The following ADCY9 variants were observed in gnomAD, a reference collection of about 807,000 sequenced individuals.
The protein encoded by ADCY9 is adenylate cyclase type 9.
Under a neutral mutation model 101.5 loss-of-function variants are expected in ADCY9, and 50 were observed. The observed-to-expected ratio is 0.49, with a 90% CI of 0.39 to 0.62. The LOEUF (loss-of-function observed/expected upper bound fraction) is 0.62, where lower values mean the gene tolerates loss of function less well. ADCY9 is among the 20% of genes least tolerant of loss of function. The pLI, the probability that ADCY9 is intolerant of heterozygous loss-of-function variation, is 0.00. For synonymous variants in ADCY9, 905 were observed against 769.3 expected (o/e 1.18, Z -2.92); for missense variants, 1,662 against 1,800.4 (o/e 0.92, Z 1.39).
intron 2 of ADCY9, among the ~76,000 whole-genome samples, chr16:4,009,868 G>A (rs1036794834): frequency 2.0e-5 from 3 of 152,156 alleles, no homozygotes; most frequent in Non-Finnish European, 2.9e-5. Flanking sequence ...AGAAGTACAC[G>A]CAAGGAGGCC....
At chr16:4,082,445 A>G (rs2056909421) in intron 2 of ADCY9, among the ~76,000 whole-genome samples, 1 of 152,150 alleles carries the variant, frequency 6.6e-6, no homozygotes, top group Non-Finnish European at 1.5e-5. Context: ...TTGCATCCCT[A>G]AGAATCATTT....
intron 2 of ADCY9, among the ~76,000 whole-genome samples, chr16:4,108,748 C>T (rs182882472): frequency 2.5e-4 from 37 of 150,680 alleles, no homozygotes; most frequent in African/African-American, 7.3e-4. Flanking sequence ...TCTTGTCGCC[C>T]AGGCTGGAGT....
chr16:4,105,521 A>AC (rs1340732312), intron 2 of ADCY9, among the ~76,000 whole-genome samples: 1 of 150,862 alleles, frequency 6.6e-6, no homozygotes, highest in Non-Finnish European at 1.5e-5. Context: ...AAAATACAAA[A>AC]AAAAAAAAAT....
At chr16:4,020,407 G>A (rs1428930287) in intron 2 of ADCY9, among the ~76,000 whole-genome samples, 1 of 152,134 alleles carries the variant, frequency 6.6e-6, no homozygotes, top group African/African-American at 2.4e-5. Context: ...AAATGGGTGG[G>A]ATAAAAGTAA....
intron 5 of ADCY9, among the ~76,000 whole-genome samples, chr16:3,954,929 T>A (rs565992696): frequency 6.6e-6 from 1 of 152,230 alleles, no homozygotes; most frequent in East Asian, 1.9e-4. Context: ...AAACTTAGCG[T>A]ACTAGAACAT....
intron 5 of ADCY9, among the ~76,000 whole-genome samples, chr16:3,957,402 C>T (rs1251501135): frequency 6.6e-6 from 1 of 151,898 alleles, no homozygotes; most frequent in South Asian, 2.1e-4. Context: ...AATTTACTGG[C>T]GGAAAAGTCA....
intron 2 of ADCY9, among the ~76,000 whole-genome samples, chr16:4,089,849 A>C (rs1008123295): frequency 2.0e-5 from 3 of 152,036 alleles, no homozygotes. Flanking sequence ...GCCACAGGGG[A>C]CCAGGGCACT....
At chr16:4,039,300 G>A (rs924806506) in intron 2 of ADCY9, among the ~76,000 whole-genome samples, 23 of 152,144 alleles carry the variant, frequency 1.5e-4, no homozygotes, top group Non-Finnish European at 2.8e-4. Context: ...CCCTCATGCC[G>A]TTTCCTTGCC....
chr16:4,110,989 C>T (rs928454140), intron 2 of ADCY9, among the ~76,000 whole-genome samples: 1 of 152,218 alleles, frequency 6.6e-6, no homozygotes, highest in Non-Finnish European at 1.5e-5. Context: ...TCCACGATCA[C>T]GGATCCTGCT....
chr16:4,036,902 C>T (rs1427244000), intron 2 of ADCY9, among the ~76,000 whole-genome samples: 2 of 152,138 alleles, frequency 1.3e-5, no homozygotes, highest in Non-Finnish European at 2.9e-5. Context: ...TCCTCCCCGC[C>T]ACTCACCCTT....
chr16:4,055,605 G>C (rs112890143), intron 2 of ADCY9, among the ~76,000 whole-genome samples: 4 of 151,970 alleles, frequency 2.6e-5, no homozygotes, highest in Non-Finnish European at 5.9e-5. Flanking sequence ...AGGCCGGGGT[G>C]GGGGGATCAC....
chr16:4,016,151 C>T (rs967454257), intron 2 of ADCY9, among the ~76,000 whole-genome samples: 2 of 152,062 alleles, frequency 1.3e-5, no homozygotes, highest in African/African-American at 4.8e-5. Flanking sequence ...CGATCTGGAC[C>T]CACAAGAAGA....
chr16:4,025,861 G>A (rs1025001706), intron 2 of ADCY9, among the ~76,000 whole-genome samples: 1 of 152,200 alleles, frequency 6.6e-6, no homozygotes, highest in African/African-American at 2.4e-5. Context: ...GTGTGGCTAC[G>A]ATTGAGAGGA....
At chr16:4,074,486 G>T (rs935777524) in intron 2 of ADCY9, among the ~76,000 whole-genome samples, 4 of 151,430 alleles carry the variant, frequency 2.6e-5, no homozygotes, top group African/African-American at 9.7e-5. Flanking sequence ...CTTGAGGCCA[G>T]GAGTTCAAGA....
At chr16:3,995,603 A>T (rs868344632) in intron 3 of ADCY9, among the ~76,000 whole-genome samples, 1 of 146,414 alleles carries the variant, frequency 6.8e-6, no homozygotes, top group Non-Finnish European at 1.5e-5. Flanking sequence ...CAAGAAATAT[A>T]TTTTTTTTTT....
intron 2 of ADCY9, among the ~76,000 whole-genome samples, chr16:4,044,703 T>C (rs540952228): frequency 4.1e-4 from 62 of 152,322 alleles, no homozygotes; most frequent in African/African-American, 1.4e-3. Flanking sequence ...CAGAGAAACA[T>C]AGCAAGAGAG....
At position 4,114,582 on chromosome 16, in the gene ADCY9, G is replaced by C. The variant is rs772479256; in HGVS notation, c.861C>G (p.Leu287=). Reference sequence around the variant, plus strand: ...CCCCGATGGCGTGGATGCAGCCGTGGAGCAGCCCCCTGCTCAGCAGCTCCC... The same window carrying C: ...CCCCGATGGCGTGGATGCAGCCGTGCAGCAGCCCCCTGCTCAGCAGCTCCC... ...LHWELLSRGL[L]HGCIHAIGVH... Residue 287 remains leucine, a synonymous_variant, in exon 2 of 11, where the codon CTC becomes CTG. Transcript: ENST00000294016. The surrounding 1 kb of genome is among the most constrained non-coding windows in gnomAD (Gnocchi z 4.3). The C allele has an allele frequency of 3.1e-6, 5 of 1,613,854 alleles. No individual in the cohort carries two copies. The highest frequency in any genetic ancestry group is 8.5e-7 in the Non-Finnish European group (1 of 1,180,050).
chr16:3,967,038 CTACGCAAAGCTTTGTTG>C, intron 10 of ADCY9, 72 bp from the exon 11 acceptor site: 1 of 1,294,318 alleles, frequency 7.7e-7, no homozygotes, highest in Non-Finnish European at 1.1e-6. Flanking sequence ...GCCCCGCTAG[CTACGCAAAGCTTTGTTG>C]AGTCCAGGCC....
chr16:4,041,530 A>AAAAG (rs1173372401), intron 2 of ADCY9, among the ~76,000 whole-genome samples: 1 of 121,130 alleles, frequency 8.3e-6, no homozygotes, highest in African/African-American at 3.2e-5. Flanking sequence ...AAAAAAAAAG[A>AAAAG]GGCTCTTTCT....
Sources: allele counts gnomAD v4.1 joint callset (sites outside exome capture counted in the v4.1 genomes callset), GRCh38; gene constraint gnomAD v4.1.1; non-coding constraint Gnocchi (gnomAD v3.1); transcripts MANE v1.5; gene names NCBI Gene and HGNC (gene_info 2026-07-23, HGNC 2026-07-21).